CUX1: variants seen among roughly 807,000 people sequenced by gnomAD.
CUX1 encodes cut like homeobox 1, also known as protein CASP.
CUX1 carries 31 observed loss-of-function variants against 158.8 expected under a neutral mutation model. That is an observed-to-expected ratio of 0.20 (90% CI 0.15 to 0.26). The LOEUF is 0.26. Among genes scored for constraint, CUX1 ranks in the 10% least tolerant of loss-of-function variants. The pLI is 1.00. For synonymous variants in CUX1, 879 were observed against 862.1 expected (o/e 1.02, Z -0.34); for missense variants, 1,589 against 2,014.6 (o/e 0.79, Z 4.04).
intron 20 of CUX1, among the ~76,000 whole-genome samples, chr7:102,216,512 G>A (rs1454455385): frequency 3.5e-5 from 3 of 86,310 alleles, no homozygotes; most frequent in Non-Finnish European, 4.5e-5. Flanking sequence ...GCGTGTGTGC[G>A]CGCACACACA....
chr7:102,079,823 ATGTGCTGACTCC>A (rs1827160058), intron 4 of CUX1, among the ~76,000 whole-genome samples: 1 of 152,170 alleles, frequency 6.6e-6, no homozygotes, highest in Non-Finnish European at 1.5e-5. Context: ...GTGGCGGATA[ATGTGCTGACTCC>A]TGTCCAGGAT....
chr7:102,196,800 A>T lies in CUX1; in HGVS notation c.1389A>T (p.Ser463=), dbSNP rs373625943. 45 of 1,614,010 alleles carry T rather than the reference A, an allele frequency of 2.8e-5. No individual in the cohort carries two copies. In the African/African-American group the frequency reaches 5.2e-4, roughly 19 times the overall value. ...GGTTAAGTCAAGACTTTTTCAGCTC[A>T]TCCCTGGCAAGCCCCAGCCTACCCC... ...PAGLSQDFFS[S]SLASPSLPLA... Residue 463 remains serine (S), a synonymous_variant, in exon 15 of 24, where the codon TCA becomes TCT. Coordinates refer to ENST00000292535, the MANE Select transcript of CUX1 (RefSeq NM_181552.4).
At chr7:101,892,811 A>G (rs1304422249) in intron 1 of CUX1, among the ~76,000 whole-genome samples, 3 of 152,182 alleles carry the variant, frequency 2.0e-5, no homozygotes, top group Non-Finnish European at 2.9e-5. Flanking sequence ...TAAAGGGCCT[A>G]AAACTATCCT....
intron 3 of CUX1, among the ~76,000 whole-genome samples, chr7:102,039,182 A>G (rs1283409209): frequency 1.3e-5 from 2 of 152,168 alleles, no homozygotes; most frequent in Non-Finnish European, 2.9e-5. Context: ...TGTTTATTGG[A>G]TGGGTGGATG....
chr7:102,229,838 G>A (rs868978140), intron 21 of CUX1, among the ~76,000 whole-genome samples: 1 of 150,604 alleles, frequency 6.6e-6, no homozygotes, highest in East Asian at 2.0e-4. Context: ...GGCTGGTCTC[G>A]AATTGGCCTC....
intron 2 of CUX1, among the ~76,000 whole-genome samples, chr7:101,984,089 A>AAAAAAT (rs1221503978): frequency 8.1e-4 from 24 of 29,796 alleles, no homozygotes; most frequent in East Asian, 1.3e-3. Flanking sequence ...AAAAAAAAAA[A>AAAAAAT]ATATATATAT....
chr7:101,989,355 C>T (rs899845953), intron 2 of CUX1, among the ~76,000 whole-genome samples: 3 of 152,204 alleles, frequency 2.0e-5, no homozygotes, highest in African/African-American at 4.8e-5. Context: ...GACCGTGTGC[C>T]GAGGCTCGGC....
intron 6 of CUX1, 137 bp from the exon 7 acceptor site, chr7:102,111,561 G>T: frequency 2.8e-6 from 2 of 719,732 alleles, no homozygotes; most frequent in Non-Finnish European, 4.9e-6. Context: ...CGGCACACGT[G>T]TCGTTGCGGG....
intron 8 of CUX1, chr7:102,125,599 G>C (rs1275019183): frequency 2.6e-5 from 4 of 151,102 alleles, no homozygotes; most frequent in African/African-American, 9.7e-5. Flanking sequence ...AGAGACGCGG[G>C]AAGGCTGGCA....
In CUX1 at chr7:102,255,526, C is replaced by G. The variant is rs536469712; in HGVS notation, c.*6484C>G. On this transcript the variant is annotated 3_prime_UTR_variant, in exon 24 of 24. Transcript: ENST00000292535. ...TTTTCATGAATCCTTTTAGTTTACC[C>G]GATAATGTTAAGAAAGCATTAGTCT... The G allele has an allele frequency of 1.0e-6, 1 of 985,184 alleles. No individual in the cohort carries two copies. The highest frequency in any genetic ancestry group is 1.2e-6 in the Non-Finnish European group (1 of 829,918). The allele number at this position is 985,184 out of a possible 1,614,324, so 61.0% of individuals were successfully genotyped here. A position where few individuals can be genotyped will look rare whatever the true frequency, so the allele number is the denominator to read the frequency against.
chr7:102,090,873 C>G (rs990101465), intron 4 of CUX1, among the ~76,000 whole-genome samples: 5 of 152,136 alleles, frequency 3.3e-5, no homozygotes, highest in African/African-American at 1.2e-4. Context: ...ACGGCAGCAC[C>G]ATGACATATG....
chr7:102,121,453 C>A (rs567040608), intron 8 of CUX1, among the ~76,000 whole-genome samples: 25 of 151,630 alleles, frequency 1.6e-4, no homozygotes, highest in Middle Eastern at 3.4e-3. Flanking sequence ...TCAAGCGATT[C>A]TCCTGCCTCA....
chr7:102,196,500 T>C, intron 14 of CUX1, 134 bp from the exon 15 acceptor site: 3 of 772,112 alleles, frequency 3.9e-6, no homozygotes, highest in Non-Finnish European at 6.0e-6. Context: ...ACCCACCTCA[T>C]TGGCCCTTGT....
chr7:101,972,093 A>G (rs1194219166), intron 2 of CUX1, among the ~76,000 whole-genome samples: 2 of 152,150 alleles, frequency 1.3e-5, no homozygotes, highest in African/African-American at 2.4e-5. Flanking sequence ...CAGCCTCCCA[A>G]GACGCTGGGA....
intron 20 of CUX1, among the ~76,000 whole-genome samples, chr7:102,223,417 T>C (rs1010517946): frequency 2.0e-5 from 3 of 152,112 alleles, no homozygotes; most frequent in Admixed American, 2.0e-4. Flanking sequence ...TAGGTCTTTA[T>C]AGAAACAAAT....
chr7:101,856,778 C>T (rs891033821), intron 1 of CUX1, among the ~76,000 whole-genome samples: 1 of 152,188 alleles, frequency 6.6e-6, no homozygotes, highest in African/African-American at 2.4e-5. Context: ...CACTCGGGCT[C>T]CCTTGTCATC....
chr7:102,068,132 C>T (rs1825751154), intron 3 of CUX1, among the ~76,000 whole-genome samples: 2 of 151,818 alleles, frequency 1.3e-5, no homozygotes, highest in Non-Finnish European at 2.9e-5. Context: ...CGCTGTGTTG[C>T]CCAGGCTGGA....
intron 1 of CUX1, among the ~76,000 whole-genome samples, chr7:101,846,881 C>G (rs896107792): frequency 6.6e-6 from 1 of 152,026 alleles, no homozygotes; most frequent in Non-Finnish European, 1.5e-5. Context: ...GCTGTAATCC[C>G]AGCACTTTGG....
intron 2 of CUX1, among the ~76,000 whole-genome samples, chr7:102,006,188 G>A (rs895189268): frequency 3.3e-5 from 5 of 152,216 alleles, no homozygotes; most frequent in South Asian, 2.1e-4. Context: ...AAGACCCGCG[G>A]GGTCCACTGG....
Sources: gnomAD v4.1 joint callset for allele counts (sites outside exome capture counted in the v4.1 genomes callset) on GRCh38, gnomAD v4.1.1 for gene constraint, MANE v1.5 for transcripts, NCBI Gene and HGNC (gene_info 2026-07-23, HGNC 2026-07-21) for gene names.